The following STX8 variants were observed in gnomAD, a reference collection of about 807,000 sequenced individuals.
STX8 encodes syntaxin 8.
In STX8, 23 loss-of-function variants were observed where a neutral mutation model predicts 37.5. That is an observed-to-expected ratio of 0.61 (90% confidence interval 0.44 to 0.87). The LOEUF (loss-of-function observed/expected upper bound fraction) is 0.87, where lower values mean the gene tolerates loss of function less well. Ranked by LOEUF, STX8 falls within the 40% of genes least tolerant of loss-of-function variation. STX8 has a pLI of 0.00. For missense variants in STX8, 313 were observed against 284.7 expected (o/e 1.10, Z -0.71); for synonymous variants, 115 against 99.1 (o/e 1.16, Z -0.95).
At chr17:9,410,605 C>T (rs1012426597) in intron 6 of STX8, among the ~76,000 whole-genome samples, 5 of 152,190 alleles carry the variant, frequency 3.3e-5, no homozygotes, top group African/African-American at 1.2e-4. Context: ...GCAAGATAAA[C>T]TTGGAAACCT....
chr17:9,389,905 G>A (rs892110195), intron 6 of STX8, among the ~76,000 whole-genome samples: 4 of 151,952 alleles, frequency 2.6e-5, no homozygotes, highest in Non-Finnish European at 4.4e-5. Flanking sequence ...TGATAATACC[G>A]TACACTAGGA....
At chr17:9,550,258 T>C (rs959501247) in intron 3 of STX8, among the ~76,000 whole-genome samples, 3 of 144,540 alleles carry the variant, frequency 2.1e-5, no homozygotes, top group African/African-American at 7.7e-5. Flanking sequence ...ACACAGTCAG[T>C]GGCCAGTGCT....
intron 7 of STX8, among the ~76,000 whole-genome samples, chr17:9,295,511 G>A (rs1908482908): frequency 6.6e-6 from 1 of 152,134 alleles, no homozygotes; most frequent in Admixed American, 6.5e-5. Context: ...TTCGGGAGCT[G>A]AGGCGGGCAA....
Position 9,309,420 on chromosome 17 carries a change from A to G in STX8, c.644-58775T>C, listed in dbSNP as rs548543745. Among the ~76,000 whole-genome samples the G allele has an allele frequency of 3.3e-5, 5 of 152,242 alleles. No individual in the cohort carries two copies. The South Asian group carries it at 6.2e-4, about 19-fold the overall frequency. ...ACAATTCCCAGCTACTTATCATGCA[A>G]ACAACCTGGGAGACTCATTTTCCTT... On this transcript the variant is annotated intron_variant, in intron 7 of 7. Transcript: ENST00000306357.
At chr17:9,289,059 G>A (rs1419791398) in intron 7 of STX8, among the ~76,000 whole-genome samples, 3 of 152,142 alleles carry the variant, frequency 2.0e-5, no homozygotes, top group Non-Finnish European at 4.4e-5. Flanking sequence ...GTACAACAAG[G>A]TTCTGGAATC....
intron 6 of STX8, among the ~76,000 whole-genome samples, chr17:9,386,581 A>G (rs897148925): frequency 6.6e-6 from 1 of 151,988 alleles, no homozygotes; most frequent in South Asian, 2.1e-4. Flanking sequence ...GCAGGCGGGC[A>G]GGCAGGCAGG....
intron 2 of STX8, among the ~76,000 whole-genome samples, chr17:9,567,734 G>A (rs377374617): frequency 1.3e-5 from 2 of 151,802 alleles, no homozygotes; most frequent in African/African-American, 2.4e-5. Context: ...TTGCCCAGGC[G>A]GGAGTGCAGT....
intron 6 of STX8, among the ~76,000 whole-genome samples, chr17:9,446,427 C>T (rs1209831763): frequency 6.6e-6 from 1 of 152,200 alleles, no homozygotes; most frequent in Non-Finnish European, 1.5e-5. Context: ...ACCATTTCTG[C>T]TATTACCACC....
At chr17:9,392,943 A>T (rs1363469639) in intron 6 of STX8, among the ~76,000 whole-genome samples, 1 of 152,198 alleles carries the variant, frequency 6.6e-6, no homozygotes, top group Non-Finnish European at 1.5e-5. Context: ...ACGTGAACAA[A>T]TAATGGTTGA....
intron 7 of STX8, among the ~76,000 whole-genome samples, chr17:9,352,313 C>T (rs1246128050): frequency 6.6e-6 from 1 of 151,912 alleles, no homozygotes; most frequent in Non-Finnish European, 1.5e-5. Context: ...TGTGGTTATC[C>T]TGCTTCCCAT....
At chr17:9,404,271 A>G (rs149643992) in intron 6 of STX8, among the ~76,000 whole-genome samples, 1 of 152,098 alleles carries the variant, frequency 6.6e-6, no homozygotes, top group Non-Finnish European at 1.5e-5. Context: ...AAGAAGGTAG[A>G]AGGGGAGGCA....
intron 7 of STX8, among the ~76,000 whole-genome samples, chr17:9,299,810 G>A (rs1908703220): frequency 6.6e-6 from 1 of 152,162 alleles, no homozygotes. Context: ...AGTTACCGCT[G>A]TGTCTAGAAG....
chr17:9,261,433 G>A (rs1190648212), intron 7 of STX8, among the ~76,000 whole-genome samples: 1 of 152,120 alleles, frequency 6.6e-6, no homozygotes, highest in Non-Finnish European at 1.5e-5. Context: ...ACGTATACCT[G>A]GCTCTTCCTG....
At chr17:9,528,457 C>T (rs897505437) in intron 4 of STX8, among the ~76,000 whole-genome samples, 25 of 152,106 alleles carry the variant, frequency 1.6e-4, no homozygotes, top group Admixed American at 3.9e-4. Context: ...GCCACCATGC[C>T]CGGCTAATTT....
intron 3 of STX8, chr17:9,554,904 CA>C (rs34545907): frequency 0.013 from 722 of 55,558 alleles, 4 homozygotes; most frequent in African/African-American, 0.032. Flanking sequence ...GACTCCATCT[CA>C]AAAAAAAAAA....
At chr17:9,282,827 G>T (rs1952943628) in intron 7 of STX8, among the ~76,000 whole-genome samples, 1 of 152,094 alleles carries the variant, frequency 6.6e-6, no homozygotes, top group Admixed American at 6.5e-5. Context: ...GAAAATTTCT[G>T]AGAGAAAATA....
chr17:9,352,127 G>C (rs969971657), intron 7 of STX8, among the ~76,000 whole-genome samples: 13 of 150,624 alleles, frequency 8.6e-5, no homozygotes, highest in Non-Finnish European at 1.9e-4. Context: ...ACTCCAGCCT[G>C]GGTGACAGAG....
At chr17:9,383,476 C>T (rs1419307914) in intron 6 of STX8, among the ~76,000 whole-genome samples, 2 of 152,140 alleles carry the variant, frequency 1.3e-5, no homozygotes, top group Non-Finnish European at 2.9e-5. Context: ...ACTTCTTCAG[C>T]CTGAGGAAGG....
At chr17:9,402,755 A>G (rs1912668567) in intron 6 of STX8, among the ~76,000 whole-genome samples, 1 of 152,198 alleles carries the variant, frequency 6.6e-6, no homozygotes, top group Admixed American at 6.5e-5. Context: ...CTTTGCAGTG[A>G]GCATGATGCT....
Sources: gnomAD v4.1 joint callset for allele counts (sites outside exome capture counted in the v4.1 genomes callset) on GRCh38, gnomAD v4.1.1 for gene constraint, MANE v1.5 for transcripts, NCBI Gene and HGNC (gene_info 2026-07-23, HGNC 2026-07-21) for gene names.